The following TRPM1 variants were observed in gnomAD, a reference collection of about 807,000 sequenced individuals.
The protein encoded by TRPM1 is TRPM1-203 APA Isoform, Intron 10.
TRPM1 carries 113 observed loss-of-function variants against 149.4 expected under a neutral mutation model. The ratio of observed to expected loss-of-function variants is 0.76; its 90% confidence interval spans 0.65 to 0.88. The LOEUF (loss-of-function observed/expected upper bound fraction) is 0.88, where lower values mean the gene tolerates loss of function less well. Ranked by LOEUF, TRPM1 falls within the 40% of genes least tolerant of loss-of-function variation. The pLI, the probability that TRPM1 is intolerant of heterozygous loss-of-function variation, is 0.00. For synonymous variants in TRPM1, 741 were observed against 759.5 expected, an observed-to-expected ratio of 0.98 and a Z score of 0.40; for missense variants, 1,976 against 2,038.7, an observed-to-expected ratio of 0.97 and a Z score of 0.59.
At chr15:31,067,449 C>G (rs894661937) in intron 5 of TRPM1, among the ~76,000 whole-genome samples, 1 of 152,108 alleles carries the variant, frequency 6.6e-6, no homozygotes, top group African/African-American at 2.4e-5. Flanking sequence ...TGTCTAAGGC[C>G]TAAAGCTGGA....
chr15:31,023,012 T>TCAAAAA (rs562360463), intron 27 of TRPM1, among the ~76,000 whole-genome samples: 19 of 152,228 alleles, frequency 1.2e-4, no homozygotes, highest in East Asian at 5.8e-4. Flanking sequence ...AGACCTTGTC[T>TCAAAAA]CAAAAACAAA....
At chr15:31,077,901 G>T (rs2034753688) in intron 2 of TRPM1, among the ~76,000 whole-genome samples, 1 of 152,038 alleles carries the variant, frequency 6.6e-6, no homozygotes. Context: ...TGTTATGTGT[G>T]TGGTATGTGT....
intron 21 of TRPM1, among the ~76,000 whole-genome samples, chr15:31,034,243 A>G (rs1323784858): frequency 6.6e-6 from 1 of 152,240 alleles, no homozygotes; most frequent in Admixed American, 6.5e-5. Flanking sequence ...ACTGGGAGTT[A>G]CATTTTCACT....
chr15:31,120,922 T>C (rs1297595944), intron 1 of TRPM1, among the ~76,000 whole-genome samples: 1 of 152,034 alleles, frequency 6.6e-6, no homozygotes, highest in Non-Finnish European at 1.5e-5. Context: ...GTATTGAATG[T>C]ATGTATTAGA....
At chr15:31,082,132 A>G (rs2034876692) in intron 1 of TRPM1, among the ~76,000 whole-genome samples, 1 of 152,220 alleles carries the variant, frequency 6.6e-6, no homozygotes, top group African/African-American at 2.4e-5. Flanking sequence ...TCCTTGTGAA[A>G]GGAGAAAGCA....
upstream of TRPM1, among the ~76,000 whole-genome samples, chr15:31,102,043 A>C (rs2035527910): frequency 6.6e-6 from 1 of 152,202 alleles, no homozygotes; most frequent in African/African-American, 2.4e-5. Context: ...ATTGGACATA[A>C]TGGTTCTTTC....
At position 31,001,785 on chromosome 15, in the gene TRPM1, T is replaced by C. The variant is rs2031770280; in HGVS notation, c.*37A>G. 3.1e-6 allele frequency: 5 copies of C among 1,596,960 alleles called. No homozygotes were observed. Among genetic ancestry groups the C allele is most frequent in the Non-Finnish European group, 4.3e-6 (5 of 1,175,992 alleles). ...CCAAGATGACACCCATTAGTGGTTC[T>C]GACTGTTAAAAAAAAAAATTAAAGA... On this transcript the variant is annotated 3_prime_UTR_variant, in exon 28 of 28. Coordinates refer to ENST00000256552, the MANE Select transcript of TRPM1 (RefSeq NM_001252024.2).
chr15:31,138,870 T>C (rs897020825), intron 1 of TRPM1, among the ~76,000 whole-genome samples: 4 of 152,234 alleles, frequency 2.6e-5, no homozygotes, highest in South Asian at 4.1e-4. Flanking sequence ...CCTTTCTATA[T>C]GTAAATAATT....
intron 1 of TRPM1, among the ~76,000 whole-genome samples, chr15:31,128,688 A>G (rs568117105): frequency 1.3e-5 from 2 of 152,152 alleles, no homozygotes; most frequent in Non-Finnish European, 2.9e-5. Flanking sequence ...AACACACCCC[A>G]TACCACTCCA....
At chr15:31,147,239 C>A (rs2036234695) in intron 1 of TRPM1, among the ~76,000 whole-genome samples, 1 of 152,342 alleles carries the variant, frequency 6.6e-6, no homozygotes, top group Non-Finnish European at 1.5e-5. Flanking sequence ...GCCTGGCACA[C>A]AACTGTGCTA....
intron 23 of TRPM1, 77 bp from the exon 24 acceptor site, chr15:31,029,468 G>A (rs2032959060): frequency 6.9e-7 from 1 of 1,451,094 alleles, no homozygotes; most frequent in African/African-American, 1.4e-5. Flanking sequence ...TAAGATGATG[G>A]TTGAGAGAAA....
chr15:31,026,386 G>T (rs2032756508), intron 26 of TRPM1, 115 bp from the exon 27 acceptor site: 2 of 1,302,510 alleles, frequency 1.5e-6, no homozygotes, highest in Admixed American at 3.9e-5. Flanking sequence ...CCACTCCTAA[G>T]GCAGTTCGCC....
chr15:31,090,277 C>T (rs944232124), intron 1 of TRPM1, among the ~76,000 whole-genome samples: 4 of 152,144 alleles, frequency 2.6e-5, no homozygotes, highest in Admixed American at 2.0e-4. Context: ...GCATGGTGTT[C>T]TCCGGTGTGG....
chr15:31,037,823 C>A lies in TRPM1; in HGVS notation c.2459G>T (p.Gly820Val), dbSNP rs996275852. The change falls in exon 20 of 28, where the codon GGC becomes GTC. Residue 820 changes from glycine (G) to valine (V), a missense_variant. By Grantham distance (109) the Gly-to-Val change is moderately radical. Coordinates refer to ENST00000256552, the MANE Select transcript of TRPM1 (RefSeq NM_001252024.2). ...EENTDANADA[G>V]SRKGDEENEH... ...GTTCTCCTCATCCCCCTTTCTTGAGCCAGCATCTGCATTTGCATCCTGGAA... is the reference window on the plus strand; with the variant it reads ...GTTCTCCTCATCCCCCTTTCTTGAGACAGCATCTGCATTTGCATCCTGGAA... 2.5e-6 allele frequency: 4 copies of A among 1,614,154 alleles called. No individual in the cohort carries two copies. In the Middle Eastern group the frequency reaches 4.9e-4, roughly 200 times the overall value.
exon 1 of TRPM1, chr15:31,160,912 C>G: frequency 6.5e-7 from 1 of 1,535,514 alleles, no homozygotes; most frequent in Non-Finnish European, 8.7e-7. Context: ...TCACCTTCTG[C>G]GACCCTGATG....
chr15:31,111,953 A>G (rs548975335), intron 1 of TRPM1, among the ~76,000 whole-genome samples: 36 of 152,310 alleles, frequency 2.4e-4, no homozygotes, highest in African/African-American at 8.7e-4. Context: ...TTGTTCTGGG[A>G]ATAGAGTATT....
At chr15:31,121,864 GA>G (rs1335664389) in intron 1 of TRPM1, among the ~76,000 whole-genome samples, 2 of 151,070 alleles carry the variant, frequency 1.3e-5, no homozygotes, top group Admixed American at 6.6e-5. Flanking sequence ...GACATTATAA[GA>G]AAAAAAAGAA....
At chr15:31,012,779 A>C (rs1316691654) in intron 27 of TRPM1, among the ~76,000 whole-genome samples, 1 of 152,032 alleles carries the variant, frequency 6.6e-6, no homozygotes, top group Admixed American at 6.6e-5. Context: ...TACAGGTTTC[A>C]GACTGTTCAA....
At position 31,037,839 on chromosome 15, in the gene TRPM1, C is replaced by T. The variant is rs2033465257; in HGVS notation, c.2443G>A (p.Ala815Thr). Residue 815 changes from alanine to threonine, a missense_variant, in exon 20 of 28, where the codon GCA (alanine) becomes ACA (threonine). Transcript: ENST00000256552. ...GKEKEEENTDANADAGSRKGD... is the reference protein window; with the variant it reads ...GKEKEEENTDTNADAGSRKGD... ...TTTCTTGAGCCAGCATCTGCATTTG[C>T]ATCCTGGAAAACAGAGCACAGCACA... 1 of 1,614,014 alleles carries T rather than the reference C, an allele frequency of 6.2e-7. No individual in the cohort carries two copies. Among genetic ancestry groups the T allele is most frequent in the African/African-American group, 1.3e-5 (1 of 74,928 alleles).
Sources: allele counts gnomAD v4.1 joint callset (sites outside exome capture counted in the v4.1 genomes callset), GRCh38; gene constraint gnomAD v4.1.1; transcripts MANE v1.5; gene names NCBI Gene and HGNC (gene_info 2026-07-23, HGNC 2026-07-21).